Variants in WDPCP observed in about 807,000 individuals in gnomAD.
WDPCP encodes WD repeat containing planar cell polarity effector, also known as WD repeat-containing and planar cell polarity effector protein fritz homolog.
WDPCP carries 71 observed loss-of-function variants against 93.1 expected under a neutral mutation model. That is an observed-to-expected ratio of 0.76 (90% CI 0.63 to 0.93). The LOEUF is 0.93. Among genes scored for constraint, WDPCP ranks in the 40% least tolerant of loss-of-function variants. The probability of loss-of-function intolerance (pLI) is 0.00; values close to 1 mark genes in which losing one functional copy is unlikely to be tolerated. For synonymous variants in WDPCP, 315 were observed against 315.0 expected (o/e 1.00, Z 0.00); for missense variants, 844 against 887.4 (o/e 0.95, Z 0.62).
Position 63,588,422 on chromosome 2 carries a change from C to T in WDPCP, c.-151G>A. 2 of 863,988 alleles carry T rather than the reference C, an allele frequency of 2.3e-6. No individual in the cohort carries two copies. The highest frequency in any genetic ancestry group is 3.8e-6 in the Non-Finnish European group (2 of 522,292). 53.5% of individuals were successfully genotyped at this position (863,988 alleles called of 1,614,324 possible). ...CTACAAAGCAGCCAGGGTGTGCGTG[C>T]GCTCCCGCCTCGTCGCTTAGCAACC... On this transcript the variant is annotated 5_prime_UTR_variant, in exon 1 of 18. Coordinates refer to ENST00000272321, the MANE Select transcript of WDPCP (RefSeq NM_015910.7).
intron 12 of WDPCP, among the ~76,000 whole-genome samples, chr2:63,344,554 G>C (rs577143107): frequency 1.3e-5 from 2 of 152,118 alleles, no homozygotes; most frequent in Non-Finnish European, 2.9e-5. Context: ...AGCTATTCAT[G>C]GCTCCTATTC....
At chr2:63,277,815 T>C (rs1683202432) in intron 13 of WDPCP, among the ~76,000 whole-genome samples, 1 of 152,164 alleles carries the variant, frequency 6.6e-6, no homozygotes, top group Admixed American at 6.5e-5. Context: ...TGGGGGCCTT[T>C]AATACTTTAC....
intron 2 of WDPCP, among the ~76,000 whole-genome samples, chr2:63,693,150 T>C (rs1668912945): frequency 6.6e-6 from 1 of 152,224 alleles, no homozygotes; most frequent in East Asian, 1.9e-4. Context: ...CATTCACTCA[T>C]CAGAAAATAT....
chr2:63,467,734 C>T (rs1409063877), intron 6 of WDPCP, among the ~76,000 whole-genome samples: 2 of 142,134 alleles, frequency 1.4e-5, no homozygotes, highest in Admixed American at 7.6e-5. Flanking sequence ...GAAGATTGTG[C>T]CACTGCACTC....
chr2:63,738,426 C>T (rs1669669852), intron 2 of WDPCP, among the ~76,000 whole-genome samples: 1 of 135,764 alleles, frequency 7.4e-6, no homozygotes, highest in African/African-American at 2.6e-5. Context: ...CACCCCCACT[C>T]CTTCTCCTGT....
chr2:63,313,877 TATATATATA>T (rs1285301318), intron 12 of WDPCP, among the ~76,000 whole-genome samples: 4 of 68,412 alleles, frequency 5.8e-5, no homozygotes, highest in Non-Finnish European at 1.4e-4. Context: ...TATATATATA[TATATATATA>T]TTTTTTTTTT....
chr2:63,686,725 ATAGAC>A (rs1236954090), intron 2 of WDPCP, among the ~76,000 whole-genome samples: 3 of 152,238 alleles, frequency 2.0e-5, no homozygotes, highest in Non-Finnish European at 4.4e-5. Flanking sequence ...AAACAAACAC[ATAGAC>A]TAAAGGCACA....
chr2:63,322,287 C>T (rs1455529340), intron 12 of WDPCP, among the ~76,000 whole-genome samples: 1 of 152,236 alleles, frequency 6.6e-6, no homozygotes, highest in Admixed American at 6.5e-5. Context: ...GACCAATCAG[C>T]AGGATGTGGG....
chr2:63,492,568 G>T (rs1438956974), intron 2 of WDPCP, among the ~76,000 whole-genome samples: 2 of 151,930 alleles, frequency 1.3e-5, no homozygotes, highest in East Asian at 3.9e-4. Context: ...ATAGTGACAC[G>T]ATCTTGGCTC....
chr2:63,608,135 G>GATA (rs1349430184), intron 3 of WDPCP, among the ~76,000 whole-genome samples: 7 of 152,098 alleles, frequency 4.6e-5, no homozygotes, highest in Non-Finnish European at 1.0e-4. Flanking sequence ...ATAAGTTGCA[G>GATA]ATAATATTGT....
chr2:63,394,139 T>C (rs1008455320), intron 10 of WDPCP, among the ~76,000 whole-genome samples: 2 of 152,164 alleles, frequency 1.3e-5, no homozygotes, highest in Admixed American at 1.3e-4. Context: ...TTGCAAATTA[T>C]GCATCTGACA....
intron 1 of WDPCP, among the ~76,000 whole-genome samples, chr2:63,575,426 C>T (rs374523993): frequency 0.017 from 23 of 1,322 alleles, 5 homozygotes; most frequent in Admixed American, 0.049. Flanking sequence ...ACACTGTATA[C>T]AGTGTATATA....
chr2:63,343,712 A>G (rs905675911), intron 12 of WDPCP, among the ~76,000 whole-genome samples: 6 of 152,084 alleles, frequency 3.9e-5, no homozygotes, highest in African/African-American at 1.4e-4. Flanking sequence ...CATTTTTAAA[A>G]TTTTTATTCC....
chr2:63,495,434 C>T, intron 1 of WDPCP, among the ~76,000 whole-genome samples: 1 of 152,016 alleles, frequency 6.6e-6, no homozygotes. Flanking sequence ...AAGTTTTTTT[C>T]TTAACTAAAA....
chr2:63,128,157 A>T (rs1354027130), intron 17 of WDPCP, among the ~76,000 whole-genome samples: 3 of 152,168 alleles, frequency 2.0e-5, no homozygotes, highest in Admixed American at 2.0e-4. Context: ...TTAATAAATA[A>T]ATATAAGATT....
At chr2:63,228,752 G>A (rs1167123764) in intron 14 of WDPCP, 1 of 152,048 alleles carries the variant, frequency 6.6e-6, no homozygotes, top group East Asian at 1.9e-4. Flanking sequence ...TCCCTACAAA[G>A]GACATGAACT....
At chr2:63,697,857 AG>A (rs1242596310) in intron 2 of WDPCP, among the ~76,000 whole-genome samples, 1 of 151,938 alleles carries the variant, frequency 6.6e-6, no homozygotes, top group Non-Finnish European at 1.5e-5. Flanking sequence ...CATGTTGCCC[AG>A]GCTGGTCTTG....
In WDPCP at chr2:63,350,994, A is replaced by ATTG. The variant is rs955099489; in HGVS notation, c.1748+27391_1748+27392insCAA. 2.6e-5 allele frequency among the ~76,000 whole-genome samples: 4 copies of ATTG among 151,212 alleles called. No homozygotes were observed. The East Asian group carries it at 5.8e-4, about 22-fold the overall frequency. On this transcript the variant is annotated intron_variant, in intron 12 of 17. Transcript: ENST00000272321. ...ACATTTATTTATTATTATTATTATT[A>ATTG]TTATTGAGATGGAGTCTCACTCTGT...
intron 9 of WDPCP, among the ~76,000 whole-genome samples, chr2:63,426,078 G>A (rs183833290): frequency 1.1e-4 from 16 of 152,304 alleles, no homozygotes; most frequent in Non-Finnish European, 1.3e-4. Context: ...GGTGGCTCAC[G>A]CCTGTAATCC....
Sources: allele counts gnomAD v4.1 joint callset (sites outside exome capture counted in the v4.1 genomes callset), GRCh38; gene constraint gnomAD v4.1.1; transcripts MANE v1.5; gene names NCBI Gene and HGNC (gene_info 2026-07-23, HGNC 2026-07-21).